Variants in NRXN1 observed in about 807,000 individuals in gnomAD.
NRXN1 encodes the protein neurexin-1.
A neutral mutation model predicts 150.9 loss-of-function variants in NRXN1; 39 were observed. The ratio of observed to expected loss-of-function variants is 0.26; its 90% CI spans 0.20 to 0.34. The LOEUF is 0.34. Among genes scored for constraint, NRXN1 ranks in the 10% least tolerant of loss-of-function variants. NRXN1 has a pLI of 1.00. For synonymous variants in NRXN1, 924 were observed against 757.0 expected (o/e 1.22, Z -3.62); for missense variants, 1,815 against 1,949.9 (o/e 0.93, Z 1.30).
rs201241923 is a variant in NRXN1, at chr2:50,472,314, G to C, written c.3228C>G (p.Ile1076Met). 24 of 1,603,712 alleles carry C rather than the reference G, an allele frequency of 1.5e-5. No individual in the cohort carries two copies. The highest frequency in any genetic ancestry group is 1.8e-5 in the Non-Finnish European group (21 of 1,174,574). Residue 1076 changes from isoleucine (I) to methionine (M), a missense_variant, in exon 16 of 23, where the codon ATC becomes ATG. Physicochemically the swap from Ile to Met is conservative, Grantham distance 10 (BLOSUM62 1). Coordinates refer to ENST00000401669, the MANE Select transcript of NRXN1 (RefSeq NM_001330078.2). ...ATCTAATACCTTCACATCCTCTCTC[G>C]ATCTGTCCGTTGCAGAAAAGAGCAT... ...ISDALFCNGQ[I>M]ERGCEGPSTT...
At chr2:50,496,966 G>C (rs1178642199) in intron 14 of NRXN1, among the ~76,000 whole-genome samples, 1 of 152,118 alleles carries the variant, frequency 6.6e-6, no homozygotes, top group Non-Finnish European at 1.5e-5. Flanking sequence ...CTGAGTACTT[G>C]AATTAGCTAT....
chr2:50,646,089 A>G lies in NRXN1; in HGVS notation c.833-22474T>C, dbSNP rs751983480. ...GCAGGGAACATTCCAGGCATCCACAAAGATATATAGAGAGGCTGAGTCCAG... is the reference window on the plus strand; with the variant it reads ...GCAGGGAACATTCCAGGCATCCACAGAGATATATAGAGAGGCTGAGTCCAG... On this transcript the variant is annotated intron_variant, in intron 5 of 22. Transcript: ENST00000401669. 3.9e-5 allele frequency among the ~76,000 whole-genome samples: 6 copies of G among 152,048 alleles called. No homozygotes were observed. In the South Asian group the frequency reaches 1.2e-3, roughly 31 times the overall value.
At chr2:50,384,969 T>G (rs978666378) in intron 17 of NRXN1, among the ~76,000 whole-genome samples, 1 of 152,144 alleles carries the variant, frequency 6.6e-6, no homozygotes, top group African/African-American at 2.4e-5. Flanking sequence ...CCTCCTAACT[T>G]CAGAAAGAAA....
chr2:50,826,414 G>T (rs1024844165), intron 5 of NRXN1, among the ~76,000 whole-genome samples: 1 of 152,170 alleles, frequency 6.6e-6, no homozygotes, highest in Non-Finnish European at 1.5e-5. Flanking sequence ...TGGAGTCACA[G>T]ATCATTTGGC....
intron 17 of NRXN1, among the ~76,000 whole-genome samples, chr2:50,287,379 C>T (rs2072330572): frequency 1.3e-5 from 2 of 152,034 alleles, no homozygotes; most frequent in South Asian, 4.1e-4. Context: ...GGAAGGTAAC[C>T]ACAAATGGAT....
In NRXN1 at chr2:49,976,996, T is replaced by C. The variant is rs569681656; in HGVS notation, c.4129-33205A>G. 2.8e-4 allele frequency among the ~76,000 whole-genome samples: 42 copies of C among 152,322 alleles called. No individual in the cohort carries two copies. The South Asian group carries it at 7.1e-3, about 26-fold the overall frequency. ...TGCTTCAAAGGCAAAATAACATCCA[T>C]GTTTTTACCAATAATGGTGTAGGGC... On this transcript the variant is annotated intron_variant, in intron 21 of 22. Transcript: ENST00000401669.
chr2:50,171,292 A>T (rs1338743892), intron 18 of NRXN1, among the ~76,000 whole-genome samples: 1 of 151,878 alleles, frequency 6.6e-6, no homozygotes, highest in South Asian at 2.1e-4. Flanking sequence ...ATATATATAT[A>T]TTTGCAATTG....
intron 2 of NRXN1, among the ~76,000 whole-genome samples, chr2:50,966,810 A>G (rs1335637676): frequency 2.0e-5 from 3 of 151,906 alleles, no homozygotes; most frequent in Non-Finnish European, 2.9e-5. Context: ...AAAATGTGCT[A>G]TAACAGCTAT....
intron 21 of NRXN1, among the ~76,000 whole-genome samples, chr2:50,047,820 T>G (rs1692072936): frequency 6.6e-6 from 1 of 152,140 alleles, no homozygotes; most frequent in African/African-American, 2.4e-5. Flanking sequence ...AAGTCTAATT[T>G]TGATCAATGC....
chr2:50,720,153 A>G (rs1159599076), intron 5 of NRXN1, among the ~76,000 whole-genome samples: 1 of 151,942 alleles, frequency 6.6e-6, no homozygotes. Context: ...AGAACATGCA[A>G]TTTCTGTATA....
chr2:50,597,941 C>G (rs575438140), intron 8 of NRXN1, among the ~76,000 whole-genome samples: 3 of 152,090 alleles, frequency 2.0e-5, no homozygotes, highest in Non-Finnish European at 4.4e-5. Context: ...GAGTTCAAGA[C>G]TGGCCTGGCC....
intron 18 of NRXN1, among the ~76,000 whole-genome samples, chr2:50,161,059 AT>A (rs898080181): frequency 5.7e-4 from 87 of 152,182 alleles, no homozygotes; most frequent in Admixed American, 3.7e-3. Context: ...TATATTTGAT[AT>A]TTCTGTTTTC....
chr2:50,496,285 T>C (rs575326388), intron 14 of NRXN1, among the ~76,000 whole-genome samples, 190 bp from the exon 15 acceptor site: 1 of 152,310 alleles, frequency 6.6e-6, no homozygotes, highest in African/African-American at 2.4e-5. Context: ...AAGAGGATTA[T>C]TCAGTGTTTT....
chr2:50,429,524 T>A (rs2104353422), intron 17 of NRXN1, among the ~76,000 whole-genome samples: 1 of 152,246 alleles, frequency 6.6e-6, no homozygotes, highest in South Asian at 2.1e-4. Flanking sequence ...CCCAAAGTGG[T>A]GGGATTACAG....
At chr2:50,823,849 T>C (rs1452038448) in intron 5 of NRXN1, among the ~76,000 whole-genome samples, 2 of 152,178 alleles carry the variant, frequency 1.3e-5, no homozygotes, top group Non-Finnish European at 2.9e-5. Context: ...AGTTACTATG[T>C]TGGAGGTAAA....
At chr2:50,382,752 A>G (rs1024138519) in intron 17 of NRXN1, among the ~76,000 whole-genome samples, 3 of 152,164 alleles carry the variant, frequency 2.0e-5, no homozygotes, top group Admixed American at 1.3e-4. Context: ...AGTCAGGACG[A>G]GAAGAGATTA....
At chr2:50,479,371 C>T (rs2090254127) in intron 15 of NRXN1, among the ~76,000 whole-genome samples, 1 of 152,154 alleles carries the variant, frequency 6.6e-6, no homozygotes, top group African/African-American at 2.4e-5. Flanking sequence ...ACTCAAACTC[C>T]ACCTTGGAAA....
intron 19 of NRXN1, among the ~76,000 whole-genome samples, chr2:50,060,375 C>T (rs1486256016): frequency 7.9e-5 from 12 of 152,234 alleles, no homozygotes; most frequent in South Asian, 4.1e-4. Flanking sequence ...TGCACCCCCA[C>T]GGAATCTAGG....
At chr2:50,254,684 T>A (rs182012231) in intron 17 of NRXN1, among the ~76,000 whole-genome samples, 1,698 of 150,070 alleles carry the variant, frequency 0.011, 16 homozygotes, top group African/African-American at 0.041. Context: ...GCAAAAGAAA[T>A]AAAAAAATAT....
Sources: allele counts gnomAD v4.1 joint callset (sites outside exome capture counted in the v4.1 genomes callset), GRCh38; gene constraint gnomAD v4.1.1; transcripts MANE v1.5; gene names NCBI Gene and HGNC (gene_info 2026-07-23, HGNC 2026-07-21).